The following PRUNE2 variants were observed in gnomAD, a reference collection of about 807,000 sequenced individuals.
The protein encoded by PRUNE2 is prune homolog 2 with BCH domain.
A neutral mutation model predicts 252.0 loss-of-function variants in PRUNE2; 164 were observed. That is an observed-to-expected ratio of 0.65 (90% CI 0.57 to 0.74). The LOEUF is 0.74. Among genes scored for constraint, PRUNE2 ranks in the 30% least tolerant of loss-of-function variants. The pLI is 0.00. For missense variants in PRUNE2, 3,495 were observed against 3,711.0 expected, an observed-to-expected ratio of 0.94 and a Z score of 1.51; for synonymous variants, 1,292 against 1,350.2, an observed-to-expected ratio of 0.96 and a Z score of 0.94.
chr9:76,706,285 G>C lies in PRUNE2; in HGVS notation c.5989C>G (p.Gln1997Glu). Reference sequence around the variant, plus strand: ...AGGTATGATTTTTCTTGTTCCCACTGATTTGTTTCTTGACCTTCATTAGTT... The same window carrying C: ...AGGTATGATTTTTCTTGTTCCCACTCATTTGTTTCTTGACCTTCATTAGTT... ...VSTNEGQETN[Q>E]WEQEKSYLGE... The change falls in exon 8 of 19, where the codon CAG (glutamine) becomes GAG (glutamate). Residue 1997 changes from glutamine to glutamate, a missense_variant. Gln to Glu is a conservative substitution (Grantham distance 29). Coordinates refer to ENST00000376718, the MANE Select transcript of PRUNE2 (RefSeq NM_015225.3). 1.2e-6 allele frequency: 2 copies of C among 1,613,988 alleles called. No individual in the cohort carries two copies. The highest frequency in any genetic ancestry group is 8.5e-7 in the Non-Finnish European group (1 of 1,179,870).
intron 6 of PRUNE2, among the ~76,000 whole-genome samples, chr9:76,772,726 G>A (rs562644623): frequency 5.4e-4 from 82 of 152,180 alleles, no homozygotes; most frequent in African/African-American, 1.9e-3. Flanking sequence ...GCTGTATCCA[G>A]CTAATTGTTT....
chr9:76,828,296 G>C (rs942407952), intron 4 of PRUNE2, among the ~76,000 whole-genome samples: 3 of 152,158 alleles, frequency 2.0e-5, no homozygotes, highest in Non-Finnish European at 4.4e-5. Context: ...CCAGTTCAAG[G>C]AACAGAAAGC....
intron 1 of PRUNE2, among the ~76,000 whole-genome samples, chr9:76,867,575 G>GT (rs1173966614): frequency 1.3e-5 from 2 of 152,106 alleles, no homozygotes; most frequent in African/African-American, 4.8e-5. Context: ...TTTTGTTGTT[G>GT]TTGTTGTTGT....
At chr9:76,855,019 T>C (rs1336133924) in intron 1 of PRUNE2, among the ~76,000 whole-genome samples, 1 of 141,908 alleles carries the variant, frequency 7.0e-6, no homozygotes, top group Admixed American at 7.3e-5. Flanking sequence ...TGAGCCGAGA[T>C]TGCACCACTG....
intron 6 of PRUNE2, among the ~76,000 whole-genome samples, chr9:76,724,303 C>CAAAAAAAAAAAAAA (rs796291956): frequency 1.4e-5 from 1 of 69,418 alleles, no homozygotes. Flanking sequence ...GATAGAAATA[C>CAAAAAAAAAAAAAA]AAAAAAAAAA....
intron 6 of PRUNE2, among the ~76,000 whole-genome samples, chr9:76,816,391 A>T (rs964760776): frequency 6.6e-6 from 1 of 152,130 alleles, no homozygotes; most frequent in Non-Finnish European, 1.5e-5. Flanking sequence ...TCTCGGTTAC[A>T]TCTCATTACC....
chr9:76,625,383 T>C (rs1041522552), intron 16 of PRUNE2, among the ~76,000 whole-genome samples: 2 of 152,342 alleles, frequency 1.3e-5, no homozygotes, highest in African/African-American at 4.8e-5. Flanking sequence ...GCAGATAGCC[T>C]AGGTGGTGTA....
At chr9:76,800,477 T>C (rs1393661840) in intron 6 of PRUNE2, among the ~76,000 whole-genome samples, 1 of 152,232 alleles carries the variant, frequency 6.6e-6, no homozygotes, top group Non-Finnish European at 1.5e-5. Flanking sequence ...GTTTTTAAAA[T>C]TGTTATTTAT....
At chr9:76,685,934 G>A (rs557055816) in intron 9 of PRUNE2, among the ~76,000 whole-genome samples, 17 of 152,280 alleles carry the variant, frequency 1.1e-4, no homozygotes, top group African/African-American at 3.4e-4. Context: ...CAGGGAGAGA[G>A]AGAAACCTAA....
At chr9:76,798,811 G>A (rs543379995) in intron 6 of PRUNE2, among the ~76,000 whole-genome samples, 3 of 152,272 alleles carry the variant, frequency 2.0e-5, no homozygotes, top group South Asian at 4.1e-4. Context: ...ACTAAACGGT[G>A]TGAGTTGGTC....
intron 1 of PRUNE2, among the ~76,000 whole-genome samples, chr9:76,903,076 C>T (rs1027407577): frequency 6.6e-6 from 1 of 152,192 alleles, no homozygotes; most frequent in Non-Finnish European, 1.5e-5. Flanking sequence ...TCTGTTCAAC[C>T]TAGGGGCCTG....
In PRUNE2 at chr9:76,706,043, G is replaced by A. The variant is rs556867724; in HGVS notation, c.6231C>T (p.Pro2077=). The change falls in exon 8 of 19, where the codon CCC becomes CCT. Residue 2077 remains proline, a synonymous_variant. Transcript: ENST00000376718. ...TCTCACCATCTGCTTTCAAACTGAA[G>A]GGCTTCTTAGCATCTATCCACAAGT... is the stretch of plus-strand genomic sequence containing the variant. ...APDLWIDAKK[P]FSLKADGENP... The A allele has an allele frequency of 1.9e-6, 3 of 1,614,010 alleles. No homozygotes were observed. Among genetic ancestry groups the A allele is most frequent in the Admixed American group, 3.3e-5 (2 of 60,018 alleles).
chr9:76,649,278 G>C (rs532345092), intron 11 of PRUNE2, among the ~76,000 whole-genome samples: 32 of 152,294 alleles, frequency 2.1e-4, no homozygotes, highest in African/African-American at 7.5e-4. Context: ...CACATACACA[G>C]ACACGTTTAT....
At chr9:76,841,304 A>T (rs2059381425) in intron 4 of PRUNE2, among the ~76,000 whole-genome samples, 1 of 152,196 alleles carries the variant, frequency 6.6e-6, no homozygotes. Context: ...TGCTTTTGCC[A>T]TGTTCTTTGC....
intron 4 of PRUNE2, among the ~76,000 whole-genome samples, chr9:76,841,441 T>C (rs1353829205): frequency 6.6e-6 from 1 of 152,150 alleles, no homozygotes; most frequent in African/African-American, 2.4e-5. Flanking sequence ...CATACCCCAG[T>C]GGCGCCTGGA....
In PRUNE2 at chr9:76,775,895, AT is replaced by A. The variant is rs201278629; in HGVS notation, c.756+47736del. On this transcript the variant is annotated intron_variant, in intron 6 of 18. Transcript: ENST00000376718. ...AAGTACCACCATTTCTATAACTTCC[AT>A]TACTCCCCTCCTCCTATGACTACAC... Among the ~76,000 whole-genome samples, 132 of 149,208 alleles carry A rather than the reference AT, an allele frequency of 8.8e-4. 2 individuals carry two copies. The East Asian group carries it at 0.024, about 27-fold the overall frequency.
intron 6 of PRUNE2, among the ~76,000 whole-genome samples, chr9:76,761,085 C>CAAAAAA (rs34127776): frequency 4.3e-5 from 4 of 93,648 alleles, no homozygotes; most frequent in African/African-American, 4.0e-5. Flanking sequence ...GACTCTGTCT[C>CAAAAAA]AAAAAAAAAA....
At chr9:76,647,142 C>A (rs899060678) in intron 11 of PRUNE2, among the ~76,000 whole-genome samples, 2 of 152,224 alleles carry the variant, frequency 1.3e-5, no homozygotes, top group African/African-American at 4.8e-5. Flanking sequence ...TACCACTGCA[C>A]TCCTGTCTGG....
In PRUNE2 at chr9:76,706,689, T is replaced by G. The variant is rs1184944448; in HGVS notation, c.5585A>C (p.His1862Pro). 4 of 1,613,644 alleles carry G rather than the reference T, an allele frequency of 2.5e-6. No individual in the cohort carries two copies. The Admixed American group carries it at 6.7e-5, about 27-fold the overall frequency. The change falls in exon 8 of 19, where the codon CAC becomes CCC. Residue 1862 changes from histidine (H) to proline (P), a missense_variant. Coordinates refer to ENST00000376718, the MANE Select transcript of PRUNE2 (RefSeq NM_015225.3). ...SGVLEINSSV[H>P]QNASPWGVPV... The stretch of plus-strand genomic sequence containing the variant: ...TACTCCCCAGGGACTGGCATTTTGG[T>G]GTACTGAAGAATTTATCTCCAACAC...
Sources: gnomAD v4.1 joint callset for allele counts (sites outside exome capture counted in the v4.1 genomes callset) on GRCh38, gnomAD v4.1.1 for gene constraint, MANE v1.5 for transcripts, NCBI Gene and HGNC (gene_info 2026-07-23, HGNC 2026-07-21) for gene names.